The following ZNF503 variants were observed in gnomAD, a reference collection of about 807,000 sequenced individuals.
ZNF503 encodes the protein zinc finger protein 503.
A neutral mutation model predicts 34.4 loss-of-function variants in ZNF503; 15 were observed. The observed-to-expected ratio is 0.44, with a 90% CI of 0.29 to 0.67. The LOEUF (loss-of-function observed/expected upper bound fraction) is 0.67, where lower values mean the gene tolerates loss of function less well. ZNF503 is among the 30% of genes least tolerant of loss of function. ZNF503 has a pLI of 0.13. For missense variants in ZNF503, 1,007 were observed against 926.8 expected, an observed-to-expected ratio of 1.09 and a Z score of -1.12; for synonymous variants, 580 against 456.8, an observed-to-expected ratio of 1.27 and a Z score of -3.44.
At chr10:75,314,932 TAACATGAA>T in the ZNF503 span, among the ~76,000 whole-genome samples, 3 of 152,176 alleles carry the variant, frequency 2.0e-5, no homozygotes, top group South Asian at 2.1e-4. Context: ...TGCATATTAA[TAACATGAA>T]AACATGAAAG....
the ZNF503 span, among the ~76,000 whole-genome samples, chr10:75,331,980 C>T: frequency 6.6e-6 from 1 of 151,952 alleles, no homozygotes; most frequent in South Asian, 2.1e-4. Context: ...AGTATAGCTA[C>T]TTCTGCTTGC....
chr10:75,299,251 G>A, the ZNF503 span, among the ~76,000 whole-genome samples: 3 of 152,108 alleles, frequency 2.0e-5, no homozygotes, highest in Admixed American at 6.5e-5. Context: ...TTTTGAATGT[G>A]ATCTATTTGA....
At position 75,399,034 on chromosome 10, in the gene ZNF503, C is replaced by G; in HGVS notation, c.1656G>C (p.Leu552=). The change falls in exon 2 of 2, where the codon CTG becomes CTC. Residue 552 remains leucine, a synonymous_variant. Transcript: ENST00000372524. The part of the protein sequence containing the change: ...HTAFPGTDKL[L]SGYPSSSSLA... ...GAGACGACGAGCTGGGGTAGCCCGA[C>G]AGCAGTTTGTCTGTCCCGGGAAATG... The G allele has an allele frequency of 6.2e-7, 1 of 1,611,902 alleles. No homozygotes were observed. Among genetic ancestry groups the G allele is most frequent in the Non-Finnish European group, 8.5e-7 (1 of 1,179,760 alleles).
At chr10:75,298,479 T>G in the ZNF503 span, among the ~76,000 whole-genome samples, 1 of 152,208 alleles carries the variant, frequency 6.6e-6, no homozygotes, top group Non-Finnish European at 1.5e-5. Context: ...CTTCTTTCAC[T>G]CAGTATAATG....
chr10:75,382,857 A>G, the ZNF503 span: 1 of 271,512 alleles, frequency 3.7e-6, no homozygotes, highest in Non-Finnish European at 7.7e-6. Flanking sequence ...TCTTGGTAAG[A>G]ACTGCCTATG....
chr10:75,390,478 T>C, the ZNF503 span, among the ~76,000 whole-genome samples: 3 of 146,788 alleles, frequency 2.0e-5, no homozygotes, highest in Non-Finnish European at 4.5e-5. Context: ...CTCCTCTTCC[T>C]CCTCAGGGCC....
the ZNF503 span, among the ~76,000 whole-genome samples, chr10:75,283,568 G>C: frequency 6.6e-6 from 1 of 152,066 alleles, no homozygotes; most frequent in Non-Finnish European, 1.5e-5. Flanking sequence ...TGTTTCGAGG[G>C]GGGAGACAGA....
chr10:75,306,028 C>T, the ZNF503 span, among the ~76,000 whole-genome samples: 1 of 152,110 alleles, frequency 6.6e-6, no homozygotes. Context: ...CTTCAAGATC[C>T]TCCTTCTATT....
chr10:75,316,524 T>C, the ZNF503 span, among the ~76,000 whole-genome samples: 1 of 152,080 alleles, frequency 6.6e-6, no homozygotes, highest in Non-Finnish European at 1.5e-5. Context: ...GCCTGGCCAA[T>C]ATTATTTTAA....
At chr10:75,347,333 T>G in the ZNF503 span, among the ~76,000 whole-genome samples, 1 of 152,204 alleles carries the variant, frequency 6.6e-6, no homozygotes, top group East Asian at 1.9e-4. Flanking sequence ...TCGACTTATT[T>G]CTCACACAAG....
At chr10:75,279,972 A>G in the ZNF503 span, 10 of 152,284 alleles carry the variant, frequency 6.6e-5, no homozygotes, top group East Asian at 1.4e-3. Flanking sequence ...ACTTTCTAAC[A>G]TCATCATCTT....
chr10:75,357,798 G>A, the ZNF503 span, among the ~76,000 whole-genome samples: 47,372 of 152,076 alleles, frequency 0.31, 8,134 homozygotes, highest in South Asian at 0.4. Flanking sequence ...TATGCAGCTA[G>A]CAGGCCTGGT....
chr10:75,292,686 T>A, the ZNF503 span, among the ~76,000 whole-genome samples: 2 of 152,098 alleles, frequency 1.3e-5, no homozygotes, highest in Admixed American at 1.3e-4. Context: ...CAGGCCTGGG[T>A]CATATGTTTT....
the ZNF503 span, among the ~76,000 whole-genome samples, chr10:75,365,978 G>T: frequency 9.2e-5 from 14 of 152,212 alleles, 1 homozygote; most frequent in South Asian, 2.9e-3. Context: ...AGGAGGTCAA[G>T]TGCTCTGGTC....
At chr10:75,388,241 G>C in the ZNF503 span, among the ~76,000 whole-genome samples, 6 of 152,218 alleles carry the variant, frequency 3.9e-5, no homozygotes, top group Admixed American at 2.6e-4. Context: ...TGGTGAGCTG[G>C]TAAATGGTGA....
chr10:75,379,108 A>G, the ZNF503 span, among the ~76,000 whole-genome samples: 9 of 152,198 alleles, frequency 5.9e-5, 1 homozygote, highest in Admixed American at 5.9e-4. Context: ...GTAGGAAAGA[A>G]ATATGGGCGG....
chr10:75,352,290 AGATCTCTGCCTCATGGGATTTTCAATCT>A, the ZNF503 span, among the ~76,000 whole-genome samples: 33 of 152,208 alleles, frequency 2.2e-4, no homozygotes, highest in Admixed American at 2.2e-3. Flanking sequence ...GCCCTCGGAT[AGATCTCTGCCTCATGGGATTTTCAATCT>A]GATAGGAGCA....
At chr10:75,356,317 C>T in the ZNF503 span, among the ~76,000 whole-genome samples, 15 of 152,284 alleles carry the variant, frequency 9.9e-5, no homozygotes, top group Non-Finnish European at 1.5e-4. Context: ...TTCAGGTTCA[C>T]GCCATTCTCC....
At position 75,401,327 on chromosome 10, in the gene ZNF503, G is replaced by A. The variant is rs767771319; in HGVS notation, c.93C>T (p.Ala31=). 14 of 1,489,114 alleles carry A rather than the reference G, an allele frequency of 9.4e-6. No individual in the cohort carries two copies. The Middle Eastern group carries it at 1.1e-3, about 113-fold the overall frequency. 92.2% of individuals were successfully genotyped at this position (1,489,114 alleles called of 1,614,324 possible). The change falls in exon 1 of 2, where the codon GCC becomes GCT. Residue 31 remains alanine, a synonymous_variant. Transcript: ENST00000372524. ...GGGGGGGADP[A]WTSALSGNSS... ...TATTTCCAGAGAGCGCGCTGGTCCA[G>A]GCAGGGTCTGCACCGCCGCCTCCGC...
Sources: gnomAD v4.1 joint callset for allele counts (sites outside exome capture counted in the v4.1 genomes callset) on GRCh38, gnomAD v4.1.1 for gene constraint, MANE v1.5 for transcripts, NCBI Gene and HGNC (gene_info 2026-07-23, HGNC 2026-07-21) for gene names.